The following TMEM182 variants were observed in gnomAD, a reference collection of about 807,000 sequenced individuals.
The protein encoded by TMEM182 is transmembrane protein 182.
In TMEM182, 20 loss-of-function variants were observed where a neutral mutation model predicts 26.8. The observed-to-expected ratio is 0.75, with a 90% confidence interval of 0.53 to 1.09. The LOEUF (loss-of-function observed/expected upper bound fraction) is 1.09. TMEM182 is among the 50% of genes least tolerant of loss of function. The pLI is 0.00. For missense variants in TMEM182, 277 were observed against 275.5 expected, an observed-to-expected ratio of 1.01 and a Z score of -0.04; for synonymous variants, 109 against 102.2, an observed-to-expected ratio of 1.07 and a Z score of -0.40.
At chr2:102,764,194 C>A in intron 2 of TMEM182, 135 bp from the exon 3 acceptor site, 1 of 797,164 alleles carries the variant, frequency 1.3e-6, no homozygotes, top group Non-Finnish European at 2.0e-6. Flanking sequence ...CACAACAATT[C>A]GCTGAATTTG....
intron 3 of TMEM182, 58 bp downstream of exon 3, chr2:102,764,485 C>A: frequency 1.4e-6 from 2 of 1,439,890 alleles, no homozygotes; most frequent in Non-Finnish European, 1.9e-6. Flanking sequence ...CTGAAGGATG[C>A]CCAGATCAAA....
chr2:102,834,369 T>C (rs1240750005), intron 3 of TMEM182: 1 of 985,158 alleles, frequency 1.0e-6, no homozygotes, highest in Non-Finnish European at 1.2e-6. Context: ...CCCTTTTTTT[T>C]TCCTTCTGAT....
chr2:102,791,392 A>C (rs1681630111), intron 3 of TMEM182, among the ~76,000 whole-genome samples: 1 of 152,264 alleles, frequency 6.6e-6, no homozygotes, highest in South Asian at 2.1e-4. Context: ...TTTTCAGTCT[A>C]GATCTACTAG....
intron 4 of TMEM182, among the ~76,000 whole-genome samples, chr2:102,799,365 G>A (rs76318024): frequency 0.012 from 1,762 of 152,310 alleles, 36 homozygotes; most frequent in Non-Finnish European, 0.013. Flanking sequence ...ATAATAATCA[G>A]ATCTAGATCC....
chr2:102,839,170 A>G (rs1425427163), intron 3 of TMEM182, among the ~76,000 whole-genome samples: 1 of 152,094 alleles, frequency 6.6e-6, no homozygotes, highest in Non-Finnish European at 1.5e-5. Context: ...CACATGGCAT[A>G]AACAGTGGGT....
intron 3 of TMEM182, among the ~76,000 whole-genome samples, chr2:102,767,108 C>T (rs1345251500): frequency 1.3e-5 from 2 of 152,154 alleles, no homozygotes; most frequent in Admixed American, 6.5e-5. Flanking sequence ...AATTGTAGTG[C>T]ATACTATTAA....
At chr2:102,755,591 A>G (rs1419470739) in intron 1 of TMEM182, among the ~76,000 whole-genome samples, 2 of 152,192 alleles carry the variant, frequency 1.3e-5, no homozygotes, top group African/African-American at 4.8e-5. Context: ...GCTTGATATT[A>G]TGAATATTTG....
At chr2:102,834,580 C>A (rs1294359357) in intron 3 of TMEM182, among the ~76,000 whole-genome samples, 2 of 152,128 alleles carry the variant, frequency 1.3e-5, no homozygotes, top group Non-Finnish European at 2.9e-5. Flanking sequence ...AAAAACAAAA[C>A]AAAACTGATG....
chr2:102,767,719 A>G (rs560063345), intron 3 of TMEM182, among the ~76,000 whole-genome samples: 7 of 152,360 alleles, frequency 4.6e-5, no homozygotes, highest in African/African-American at 1.4e-4. Context: ...GCAAAATTAC[A>G]GTTACTATTT....
chr2:102,816,588 G>A lies in TMEM182; in HGVS notation c.*1620G>A. ...AACTGGTTTCTCAAGTCATTTCAGT[G>A]ATATCATTGAAACGTTTTTGTGGTA... On this transcript the variant is annotated 3_prime_UTR_variant, in exon 5 of 5. Coordinates refer to ENST00000412401, the MANE Select transcript of TMEM182 (RefSeq NM_144632.5). 1.0e-6 allele frequency: 1 copy of A among 984,822 alleles called. No homozygotes were observed. Among genetic ancestry groups the A allele is most frequent in the Non-Finnish European group, 1.2e-6 (1 of 829,738 alleles). The allele number at this position is 984,822 out of a possible 1,614,324, so 61.0% of individuals were successfully genotyped here. A position where few individuals can be genotyped will look rare whatever the true frequency, so the allele number is the denominator to read the frequency against.
chr2:102,777,775 C>CTTTTTTTTTTTTTTTTTCTTTTTTTT (rs1680984949), intron 3 of TMEM182, among the ~76,000 whole-genome samples: 1 of 143,244 alleles, frequency 7.0e-6, no homozygotes. Context: ...TTCTTTTTCT[C>CTTTTTTTTTTTTTTTTTCTTTTTTTT]TTTTTCTTTT....
intron 3 of TMEM182, among the ~76,000 whole-genome samples, chr2:102,778,837 A>C (rs867160074): frequency 6.6e-6 from 1 of 152,156 alleles, no homozygotes; most frequent in Admixed American, 6.5e-5. Context: ...AACTGCACGC[A>C]ACATCTTACT....
chr2:102,819,430 C>T (rs1023757923), downstream of TMEM182, among the ~76,000 whole-genome samples: 7 of 152,140 alleles, frequency 4.6e-5, no homozygotes, highest in Admixed American at 2.0e-4. Flanking sequence ...GTATATGTAA[C>T]TATCTGAAAG....
In TMEM182 at chr2:102,787,441, C is replaced by T. The variant is rs546345565; in HGVS notation, c.332-10422C>T. Among the ~76,000 whole-genome samples the T allele has an allele frequency of 3.0e-4, 46 of 152,336 alleles. 2 individuals carry two copies. Among genetic ancestry groups the T allele is most frequent in the African/African-American group, 1.0e-3 (43 of 41,566 alleles). On this transcript the variant is annotated intron_variant, in intron 3 of 4. Transcript: ENST00000412401. ...CATCATGAGGACCCTACTCTCATAA[C>T]CTCATCTAAATTTATTTACTTCCTC...
chr2:102,815,012 A>G lies in TMEM182; in HGVS notation c.*44A>G, dbSNP rs1375089351. 1.2e-6 allele frequency: 2 copies of G among 1,603,582 alleles called. No homozygotes were observed. The highest frequency in any genetic ancestry group is 2.2e-5 in the South Asian group (2 of 89,466). On this transcript the variant is annotated 3_prime_UTR_variant, in exon 5 of 5. Transcript: ENST00000412401. Reference sequence around the variant, plus strand: ...TATTTTCTTGAGAGATTTTAAAACAAGGAATACTTTTTTTCCATTTTGTTT... The same window carrying G: ...TATTTTCTTGAGAGATTTTAAAACAGGGAATACTTTTTTTCCATTTTGTTT...
downstream of TMEM182, among the ~76,000 whole-genome samples, chr2:102,819,534 T>C (rs976219630): frequency 6.6e-6 from 1 of 152,186 alleles, no homozygotes; most frequent in African/African-American, 2.4e-5. Context: ...GTGGTATGCA[T>C]GTATATGTAT....
At chr2:102,784,014 C>A (rs887990) in intron 3 of TMEM182, among the ~76,000 whole-genome samples, 117,734 of 151,944 alleles carry the variant, frequency 0.77, 46,107 homozygotes, top group African/African-American at 0.86. Context: ...CAAACTACGC[C>A]GGACCTGATT....
At chr2:102,773,921 A>G in intron 3 of TMEM182, among the ~76,000 whole-genome samples, 1 of 152,194 alleles carries the variant, frequency 6.6e-6, no homozygotes, top group East Asian at 1.9e-4. Context: ...AAAACACCAA[A>G]AAACTGTGTA....
At chr2:102,810,188 CTT>C (rs1682500471) in intron 4 of TMEM182, among the ~76,000 whole-genome samples, 1 of 152,056 alleles carries the variant, frequency 6.6e-6, no homozygotes, top group African/African-American at 2.4e-5. Flanking sequence ...CAGTTTGATA[CTT>C]TGCCTAACTT....
Sources: allele counts gnomAD v4.1 joint callset (sites outside exome capture counted in the v4.1 genomes callset), GRCh38; gene constraint gnomAD v4.1.1; transcripts MANE v1.5; gene names NCBI Gene and HGNC (gene_info 2026-07-23, HGNC 2026-07-21).